SMARCA1: variants seen among roughly 807,000 people sequenced by gnomAD.
SMARCA1 encodes SNF2 related chromatin remodeling ATPase 1.
In SMARCA1, 17 loss-of-function variants were observed where a neutral mutation model predicts 93.6. That is an observed-to-expected ratio of 0.18 (90% CI 0.12 to 0.27). SMARCA1 has a LOEUF of 0.27. Among genes scored for constraint, SMARCA1 ranks in the 10% least tolerant of loss-of-function variants. The probability of loss-of-function intolerance (pLI) is 1.00; values close to 1 mark genes in which losing one functional copy is unlikely to be tolerated. For missense variants in SMARCA1, 630 were observed against 819.0 expected (o/e 0.77, Z 2.82); for synonymous variants, 271 against 271.4 (o/e 1.00, Z 0.01).
intron 21 of SMARCA1, among the ~76,000 whole-genome samples, chrX:129,467,451 GCTA>G (rs776326539): frequency 1.8e-5 from 2 of 111,006 alleles, no homozygotes; most frequent in East Asian, 5.6e-4. Flanking sequence ...AACTCTTGAT[GCTA>G]AAATTTCTCT....
rs762803808 is a variant in SMARCA1 at position 129,487,104 on chromosome X, C to T, written c.2131G>A (p.Gly711Arg). The T allele has an allele frequency of 8.5e-7, 1 of 1,172,067 alleles. No individual in the cohort carries two copies. Among genetic ancestry groups the T allele is most frequent in the Admixed American group, 2.3e-5 (1 of 43,829 alleles). Residue 711 changes from glycine (G) to arginine (R), a missense_variant, in exon 17 of 25, where the codon GGA becomes AGA. Coordinates refer to ENST00000371121, the MANE Select transcript of SMARCA1 (RefSeq NM_001282874.2). ...CTAAAATTTCTTAGAGAAGACTCTC[C>T]CATTTTTTGCAGGCGTTCATTCATC... ...AEMNERLQKM[G>R]ESSLRNFRMD...
intron 19 of SMARCA1, among the ~76,000 whole-genome samples, chrX:129,471,947 TGACCAACAGAAATCA>T (rs1933143957): frequency 8.9e-6 from 1 of 112,255 alleles, no homozygotes; most frequent in Non-Finnish European, 1.9e-5. Context: ...ACAACAGCAG[TGACCAACAGAAATCA>T]TATATGGTGT....
intron 8 of SMARCA1, among the ~76,000 whole-genome samples, chrX:129,505,437 G>A (rs953825136): frequency 5.4e-5 from 6 of 110,549 alleles, no homozygotes; most frequent in Non-Finnish European, 9.5e-5. Context: ...ACTTTAACCC[G>A]GGAGGCGGAG....
chrX:129,468,936 G>A (rs777921845), intron 20 of SMARCA1, 31 bp from the exon 21 acceptor site: 1 of 1,071,257 alleles, frequency 9.3e-7, no homozygotes. Flanking sequence ...ATTATCAATA[G>A]AGGTTAAATT....
rs183218199 is a variant in SMARCA1 at position 129,447,876 on chromosome X, C to T, written c.3141+457G>A. Among the ~76,000 whole-genome samples, 9 of 111,844 alleles carry T rather than the reference C, an allele frequency of 8.0e-5. No individual in the cohort carries two copies. In the East Asian group the frequency reaches 2.5e-3, roughly 31 times the overall value. On this transcript the variant is annotated intron_variant, in intron 24 of 24. Coordinates refer to ENST00000371121, the MANE Select transcript of SMARCA1 (RefSeq NM_001282874.2). ...TTAAAATCAAGTTATCCTATCAATT[C>T]AACAGTTCACTTATTACCAAGCAAA...
At chrX:129,477,889 A>G (rs919027805) in intron 19 of SMARCA1, among the ~76,000 whole-genome samples, 3 of 109,863 alleles carry the variant, frequency 2.7e-5, no homozygotes, top group Admixed American at 9.7e-5. Context: ...CCTCCATATG[A>G]TTTGACTCTA....
intron 17 of SMARCA1, 54 bp from the exon 18 acceptor site, chrX:129,481,239 T>C (rs1933643643): frequency 2.6e-6 from 2 of 768,566 alleles, no homozygotes; most frequent in Non-Finnish European, 3.9e-6. Flanking sequence ...AACAGTTTTA[T>C]CAAAATCAAG....
intron 23 of SMARCA1, among the ~76,000 whole-genome samples, chrX:129,463,061 C>T (rs1932833331): frequency 9.0e-6 from 1 of 111,079 alleles, no homozygotes. Flanking sequence ...TTAATGATTC[C>T]AGAAACTGAA....
rs767439866 is a variant in SMARCA1, at chrX:129,489,021, A to C, written c.2013T>G (p.His671Gln). The C allele has an allele frequency of 2.8e-5, 33 of 1,170,751 alleles. No individual in the cohort carries two copies. The Admixed American group carries it at 7.2e-4, about 26-fold the overall frequency. The change falls in exon 16 of 25, where the codon CAT becomes CAG. Residue 671 changes from histidine to glutamine, a missense_variant. Transcript: ENST00000371121. ...TAGAAGCAAAAACATGGGTGGCTCC[A>C]TGCCGTATCATTTGTAACATTTCCT... ...AKEEMLQMIRHGATHVFASKE... is the reference protein window; with the variant it reads ...AKEEMLQMIRQGATHVFASKE...
chrX:129,517,189 T>A (rs1935234707), intron 2 of SMARCA1, among the ~76,000 whole-genome samples: 1 of 111,424 alleles, frequency 9.0e-6, no homozygotes, highest in South Asian at 3.7e-4. Context: ...GTGAAATAGT[T>A]TATTAACTAT....
At position 129,508,244 on chromosome X, in the gene SMARCA1, A is replaced by G. The variant is rs891293154; in HGVS notation, c.811-148T>C. On this transcript the variant is annotated intron_variant, in intron 6 of 24. Coordinates refer to ENST00000371121, the MANE Select transcript of SMARCA1 (RefSeq NM_001282874.2). Reference sequence around the variant, plus strand: ...GTTTCATCCATTTTAGAGATGGGAAAACTGAGGCCCAAAGATAGTTGTGTG... The same window carrying G: ...GTTTCATCCATTTTAGAGATGGGAAGACTGAGGCCCAAAGATAGTTGTGTG... 5.7e-5 allele frequency: 21 copies of G among 366,512 alleles called. No homozygotes were observed. The East Asian group carries it at 1.0e-3, about 18-fold the overall frequency. 30.2% of individuals were successfully genotyped at this position (366,512 alleles called of 1,213,427 possible). A position where few individuals can be genotyped will look rare whatever the true frequency, so the allele number is the denominator to read the frequency against.
chrX:129,513,669 A>G (rs1935092842), intron 5 of SMARCA1, among the ~76,000 whole-genome samples: 1 of 109,285 alleles, frequency 9.2e-6, no homozygotes, highest in East Asian at 2.8e-4. Flanking sequence ...AGACAGGCTG[A>G]AGCCAAGAGC....
chrX:129,465,229 C>A (rs1932878980), intron 23 of SMARCA1, among the ~76,000 whole-genome samples: 1 of 111,431 alleles, frequency 9.0e-6, no homozygotes, highest in South Asian at 3.7e-4. Context: ...TGAACACTCA[C>A]ATTGTCTGTA....
chrX:129,459,412 C>T (rs1361838363), intron 23 of SMARCA1, among the ~76,000 whole-genome samples: 1 of 111,310 alleles, frequency 9.0e-6, no homozygotes, highest in East Asian at 2.8e-4. Flanking sequence ...AGCAAGACTC[C>T]GTCTCAAAAA....
Position 129,468,786 on chromosome X carries a change from G to T in SMARCA1, c.2685C>A (p.Val895=). 8.5e-7 allele frequency: 1 copy of T among 1,182,818 alleles called. No individual in the cohort carries two copies. The part of the protein sequence containing the change: ...REVEGKSPEE[V]MEYSAVFWER... ...TTATATACAAACCTGAATACTCCAT[G>T]ACCTCCTCAGGGGATTTGCCCTCTA... Residue 895 remains valine, a synonymous_variant, in exon 21 of 25, where the codon GTC becomes GTA. Coordinates refer to ENST00000371121, the MANE Select transcript of SMARCA1 (RefSeq NM_001282874.2).
At position 129,447,123 on chromosome X, in the gene SMARCA1, A is replaced by T. The variant is rs1393443518; in HGVS notation, c.*39T>A. The T allele has an allele frequency of 9.2e-7, 1 of 1,090,087 alleles. No individual in the cohort carries two copies. The highest frequency in any genetic ancestry group is 2.7e-5 in the Admixed American group (1 of 37,194). 89.8% of individuals were successfully genotyped at this position (1,090,087 alleles called of 1,213,427 possible). ...ATTAGCATTTGAAGATGGGAACAAG[A>T]AAATAGCAGTTTCCCATTTAAAACT... is the stretch of plus-strand genomic sequence containing the variant. On this transcript the variant is annotated 3_prime_UTR_variant, in exon 25 of 25. Coordinates refer to ENST00000371121, the MANE Select transcript of SMARCA1 (RefSeq NM_001282874.2).
chrX:129,478,741 A>T (rs1224238926), intron 19 of SMARCA1, among the ~76,000 whole-genome samples: 1 of 112,208 alleles, frequency 8.9e-6, no homozygotes. Context: ...ATCTCCAAAG[A>T]AGGAGCATAA....
Position 129,523,365 on chromosome X carries a change from C to A in SMARCA1, c.6G>T (p.Glu2Asp). 2 of 1,166,946 alleles carry A rather than the reference C, an allele frequency of 1.7e-6. No homozygotes were observed. Among genetic ancestry groups the A allele is most frequent in the Non-Finnish European group, 2.3e-6 (2 of 875,572 alleles). The stretch of plus-strand genomic sequence containing the variant: ...TGGCTGCCACTGCGGCAGTGTCCTG[C>A]TCCATGCCGTGGGAGCGGGAACGAG... M[E>D]QDTAAVAATV... The change falls in exon 1 of 25, where the codon GAG becomes GAT. Residue 2 changes from glutamate to aspartate, a missense_variant. Coordinates refer to ENST00000371121, the MANE Select transcript of SMARCA1 (RefSeq NM_001282874.2).
At chrX:129,499,455 T>C (rs1321252312) in intron 10 of SMARCA1, among the ~76,000 whole-genome samples, 1 of 111,793 alleles carries the variant, frequency 8.9e-6, no homozygotes, top group Admixed American at 9.6e-5. Flanking sequence ...TTTTACAGAA[T>C]GGAAATTTAG....
Sources: allele counts gnomAD v4.1 joint callset (sites outside exome capture counted in the v4.1 genomes callset), GRCh38; gene constraint gnomAD v4.1.1; transcripts MANE v1.5; gene names NCBI Gene and HGNC (gene_info 2026-07-23, HGNC 2026-07-21).